ENTREP1: variants seen among roughly 807,000 people sequenced by gnomAD.
ENTREP1 encodes the protein Friedreich ataxia region gene X123.
At chr9:69,388,150 G>C in the ENTREP1 span, 49 of 1,614,110 alleles carry the variant, frequency 3.0e-5, 1 homozygote, top group South Asian at 4.2e-4. Context: ...GTTTGTTTCT[G>C]CCCACAGCTG....
the ENTREP1 span, chr9:69,377,459 A>C: frequency 6.2e-7 from 1 of 1,613,738 alleles, no homozygotes; most frequent in East Asian, 2.2e-5. Context: ...AGATATTCGC[A>C]ACCAGGAGAT....
the ENTREP1 span, among the ~76,000 whole-genome samples, chr9:69,331,886 A>C: frequency 6.6e-6 from 1 of 152,164 alleles, no homozygotes; most frequent in African/African-American, 2.4e-5. Context: ...GGAGCCATGG[A>C]AGGACATTGT....
the ENTREP1 span, among the ~76,000 whole-genome samples, chr9:69,327,274 A>G: frequency 2.0e-5 from 3 of 152,234 alleles, no homozygotes; most frequent in Admixed American, 6.5e-5. Context: ...ACTGGCCTCT[A>G]TGAGTGTTCA....
the ENTREP1 span, among the ~76,000 whole-genome samples, chr9:69,330,558 CAT>C: frequency 2.6e-5 from 4 of 152,026 alleles, no homozygotes; most frequent in Non-Finnish European, 5.9e-5. Flanking sequence ...AGTGAATAAA[CAT>C]AAAGAAAAAT....
the ENTREP1 span, among the ~76,000 whole-genome samples, chr9:69,327,637 A>AAGAAAAGAAAAG: frequency 6.7e-6 from 1 of 150,278 alleles, no homozygotes; most frequent in Non-Finnish European, 1.5e-5. Context: ...AAGAAAAGAA[A>AAGAAAAGAAAAG]AAAAAAGGCC....
At chr9:69,358,314 C>T in the ENTREP1 span, among the ~76,000 whole-genome samples, 1 of 152,138 alleles carries the variant, frequency 6.6e-6, no homozygotes, top group African/African-American at 2.4e-5. Context: ...GCCTTTGAGG[C>T]CTGTCTGTAT....
chr9:69,354,952 T>C, the ENTREP1 span, among the ~76,000 whole-genome samples: 1 of 152,224 alleles, frequency 6.6e-6, no homozygotes, highest in African/African-American at 2.4e-5. Context: ...TAGATTGGTA[T>C]CCTTGGAAAA....
At chr9:69,369,313 A>G in the ENTREP1 span, among the ~76,000 whole-genome samples, 1 of 152,136 alleles carries the variant, frequency 6.6e-6, no homozygotes, top group East Asian at 1.9e-4. Flanking sequence ...GTGTCTTTAT[A>G]GTAGAATGAT....
the ENTREP1 span, among the ~76,000 whole-genome samples, chr9:69,345,772 T>C: frequency 6.6e-6 from 1 of 151,948 alleles, no homozygotes; most frequent in Non-Finnish European, 1.5e-5. Context: ...GTGGCTTAAT[T>C]TTTGTATTTT....
the ENTREP1 span, among the ~76,000 whole-genome samples, chr9:69,346,178 T>G: frequency 3.9e-5 from 6 of 151,984 alleles, no homozygotes; most frequent in Admixed American, 3.9e-4. Context: ...AGACGGGGTT[T>G]CACCATGTTG....
At chr9:69,331,238 C>A in the ENTREP1 span, among the ~76,000 whole-genome samples, 2 of 152,184 alleles carry the variant, frequency 1.3e-5, no homozygotes, top group African/African-American at 4.8e-5. Context: ...TCTGTGTTTA[C>A]ATACAGCAGC....
chr9:69,373,953 T>C, the ENTREP1 span, among the ~76,000 whole-genome samples: 5 of 152,338 alleles, frequency 3.3e-5, no homozygotes, highest in African/African-American at 1.2e-4. Context: ...CAAAATATTG[T>C]TTGTTGTACT....
the ENTREP1 span, among the ~76,000 whole-genome samples, chr9:69,349,795 G>A: frequency 1.3e-5 from 2 of 152,094 alleles, no homozygotes; most frequent in Admixed American, 1.3e-4. Context: ...CAACAATTGG[G>A]CAAAGTCATC....
chr9:69,325,427 C>G, the ENTREP1 span: 5 of 977,520 alleles, frequency 5.1e-6, no homozygotes, highest in Non-Finnish European at 6.1e-6. Context: ...GCCGCTGCCC[C>G]CGCTGCGGCC....
chr9:69,359,106 A>G, the ENTREP1 span, among the ~76,000 whole-genome samples: 1 of 151,860 alleles, frequency 6.6e-6, no homozygotes, highest in African/African-American at 2.4e-5. Context: ...GGGTTTCACC[A>G]TGTTGGCCAG....
chr9:69,328,428 A>T, the ENTREP1 span, among the ~76,000 whole-genome samples: 1 of 152,140 alleles, frequency 6.6e-6, no homozygotes, highest in African/African-American at 2.4e-5. Context: ...AAACTCAACA[A>T]ATGTAGAAAG....
At chr9:69,391,978 C>T in the ENTREP1 span, 20 of 635,714 alleles carry the variant, frequency 3.1e-5, no homozygotes, top group Middle Eastern at 4.3e-4. Context: ...ATGCACAGGT[C>T]GGTCCAGGCC....
At chr9:69,367,874 T>C in the ENTREP1 span, among the ~76,000 whole-genome samples, 13,876 of 90,342 alleles carry the variant, frequency 0.15, 3,551 homozygotes, top group Admixed American at 0.21. Context: ...TATATATAAA[T>C]ATATATATAC....
At chr9:69,391,224 T>C in the ENTREP1 span, among the ~76,000 whole-genome samples, 126,920 of 152,254 alleles carry the variant, frequency 0.83, 53,012 homozygotes, top group South Asian at 0.89. Context: ...TGTAGCAATT[T>C]GCTGAGAATT....
Sources: allele counts gnomAD v4.1 joint callset (sites outside exome capture counted in the v4.1 genomes callset), GRCh38; gene constraint gnomAD v4.1.1; transcripts MANE v1.5; gene names NCBI Gene and HGNC (gene_info 2026-07-23, HGNC 2026-07-21).